Variants in CACNB2 observed in about 807,000 individuals in gnomAD.
CACNB2 encodes the protein calcium voltage-gated channel auxiliary subunit beta 2.
A neutral mutation model predicts 73.3 loss-of-function variants in CACNB2; 42 were observed. The ratio of observed to expected loss-of-function variants is 0.57; its 90% confidence interval spans 0.45 to 0.74. The LOEUF (loss-of-function observed/expected upper bound fraction) is 0.74. Ranked by LOEUF, CACNB2 falls within the 30% of genes least tolerant of loss-of-function variation. CACNB2 has a pLI of 0.00. For synonymous variants in CACNB2, 348 were observed against 310.3 expected (o/e 1.12, Z -1.28); for missense variants, 940 against 853.0 (o/e 1.10, Z -1.27).
chr10:18,171,971 C>T (rs2033276394), intron 2 of CACNB2, among the ~76,000 whole-genome samples: 1 of 151,958 alleles, frequency 6.6e-6, no homozygotes, highest in African/African-American at 2.4e-5. Flanking sequence ...AACTGATCCT[C>T]CTTTAGGCAT....
At chr10:18,316,534 G>A (rs2040193695) in intron 2 of CACNB2, among the ~76,000 whole-genome samples, 1 of 150,984 alleles carries the variant, frequency 6.6e-6, no homozygotes, top group Non-Finnish European at 1.5e-5. Context: ...TGTGGCCATA[G>A]CTCATTACAG....
chr10:18,514,814 G>T (rs1220476467), intron 7 of CACNB2, among the ~76,000 whole-genome samples: 1 of 152,116 alleles, frequency 6.6e-6, no homozygotes, highest in Non-Finnish European at 1.5e-5. Flanking sequence ...CCTAAATTGT[G>T]CATGCTTATT....
intron 2 of CACNB2, among the ~76,000 whole-genome samples, chr10:18,373,421 G>A (rs1051921687): frequency 6.6e-6 from 1 of 152,122 alleles, no homozygotes; most frequent in Non-Finnish European, 1.5e-5. Context: ...ATTATTTATT[G>A]AATATTTATG....
chr10:18,497,294 C>A (rs2049895735), intron 3 of CACNB2, among the ~76,000 whole-genome samples: 1 of 151,442 alleles, frequency 6.6e-6, no homozygotes, highest in Non-Finnish European at 1.5e-5. Flanking sequence ...GAAAGAAATA[C>A]AATACCACTT....
intron 2 of CACNB2, among the ~76,000 whole-genome samples, chr10:18,236,411 G>A (rs753455634): frequency 6.6e-6 from 1 of 152,218 alleles, no homozygotes; most frequent in Non-Finnish European, 1.5e-5. Flanking sequence ...TAAAAAACAG[G>A]TGAGGTAGAG....
At position 18,328,351 on chromosome 10, in the gene CACNB2, A is replaced by T. The variant is rs191568831; in HGVS notation, c.214-73573A>T. Among the ~76,000 whole-genome samples, 15 of 152,312 alleles carry T rather than the reference A, an allele frequency of 9.8e-5. No individual in the cohort carries two copies. The East Asian group carries it at 2.5e-3, about 25-fold the overall frequency. ...TGGGATTCAATAGTTGGTATAACTT[A>T]AAGCTCCCTGTGATTCCACTTTGCA... is the stretch of plus-strand genomic sequence containing the variant. On this transcript the variant is annotated intron_variant, in intron 2 of 13. Transcript: ENST00000324631.
rs1168888250 is a variant in CACNB2, at chr10:18,253,035, A to G, written c.213+102060A>G. On this transcript the variant is annotated intron_variant, in intron 2 of 13. Transcript: ENST00000324631. ...ATGGGCTCAGGAGTCAAACATCTGG[A>G]TAGAAGTTCTAACTCTGCCATTGCC... 2.6e-5 allele frequency among the ~76,000 whole-genome samples: 4 copies of G among 152,226 alleles called. No homozygotes were observed. In the South Asian group the frequency reaches 8.3e-4, roughly 31 times the overall value.
At chr10:18,424,461 G>A (rs1373926255) in intron 3 of CACNB2, among the ~76,000 whole-genome samples, 3 of 152,060 alleles carry the variant, frequency 2.0e-5, no homozygotes, top group Non-Finnish European at 4.4e-5. Flanking sequence ...CCATGGCAAT[G>A]GTAAATTGAC....
At chr10:18,444,813 A>G (rs1296926727) in intron 3 of CACNB2, among the ~76,000 whole-genome samples, 1 of 152,214 alleles carries the variant, frequency 6.6e-6, no homozygotes, top group Non-Finnish European at 1.5e-5. Context: ...AAAGTAACAC[A>G]CTGGTTTGAG....
chr10:18,269,820 A>G (rs1164602963), intron 2 of CACNB2, among the ~76,000 whole-genome samples: 2 of 152,230 alleles, frequency 1.3e-5, no homozygotes, highest in African/African-American at 4.8e-5. Flanking sequence ...TGGTTAGATT[A>G]AATGACACTT....
intron 9 of CACNB2, among the ~76,000 whole-genome samples, chr10:18,522,871 C>CT (rs1481125231): frequency 2.2e-5 from 2 of 89,502 alleles, no homozygotes; most frequent in East Asian, 6.8e-4. Flanking sequence ...GAGTGAGACT[C>CT]TGTCTCAAAA....
chr10:18,252,860 A>AAGGTAGGC (rs200780635), intron 2 of CACNB2, among the ~76,000 whole-genome samples: 2,763 of 152,264 alleles, frequency 0.018, 64 homozygotes, highest in Non-Finnish European at 0.021. Flanking sequence ...GAACCTCTGA[A>AAGGTAGGC]AGGTAGGCAG....
At chr10:18,472,443 G>T (rs1250459168) in intron 3 of CACNB2, among the ~76,000 whole-genome samples, 3 of 151,960 alleles carry the variant, frequency 2.0e-5, no homozygotes, top group Non-Finnish European at 4.4e-5. Flanking sequence ...CACCATGTTG[G>T]CCAGGCTGGT....
chr10:18,293,903 G>A (rs1228896516), intron 2 of CACNB2, among the ~76,000 whole-genome samples: 1 of 152,180 alleles, frequency 6.6e-6, no homozygotes, highest in Non-Finnish European at 1.5e-5. Context: ...GTTGATCATT[G>A]CTTCAGTTTT....
chr10:18,537,763 T>TAAGA (rs1456325863), intron 12 of CACNB2, among the ~76,000 whole-genome samples: 3 of 150,940 alleles, frequency 2.0e-5, no homozygotes, highest in Non-Finnish European at 4.5e-5. Context: ...GGTAACAGAG[T>TAAGA]AAGACTCTGT....
chr10:18,267,688 A>G (rs895657895), intron 2 of CACNB2, among the ~76,000 whole-genome samples: 1 of 152,236 alleles, frequency 6.6e-6, no homozygotes. Context: ...GGAAAATGAA[A>G]TTAAGTTGGT....
At chr10:18,277,400 G>A (rs1322247078) in intron 2 of CACNB2, among the ~76,000 whole-genome samples, 1 of 152,218 alleles carries the variant, frequency 6.6e-6, no homozygotes, top group African/African-American at 2.4e-5. Context: ...TGCCACAAGT[G>A]TATATTCTTT....
intron 3 of CACNB2, among the ~76,000 whole-genome samples, chr10:18,407,782 T>C (rs2044376209): frequency 6.6e-6 from 1 of 152,194 alleles, no homozygotes; most frequent in Non-Finnish European, 1.5e-5. Flanking sequence ...TTTGTCAAAA[T>C]GTCTAATTTC....
At chr10:18,158,854 G>C (rs2131078373) in intron 2 of CACNB2, among the ~76,000 whole-genome samples, 1 of 152,288 alleles carries the variant, frequency 6.6e-6, no homozygotes, top group African/African-American at 2.4e-5. Flanking sequence ...TGCAAGAATT[G>C]CTAAGTGTAT....
Sources: gnomAD v4.1 joint callset for allele counts (sites outside exome capture counted in the v4.1 genomes callset) on GRCh38, gnomAD v4.1.1 for gene constraint, MANE v1.5 for transcripts, NCBI Gene and HGNC (gene_info 2026-07-23, HGNC 2026-07-21) for gene names.